The following ATXN1 variants were observed in gnomAD, a reference collection of about 807,000 sequenced individuals.
ATXN1 encodes ataxin-1.
In ATXN1, 8 loss-of-function variants were observed where a neutral mutation model predicts 56.4. That is an observed-to-expected ratio of 0.14 (90% CI 0.08 to 0.26). ATXN1 has a LOEUF of 0.26. Ranked by LOEUF, ATXN1 falls within the 10% of genes least tolerant of loss-of-function variation. ATXN1 has a pLI of 1.00. For missense variants in ATXN1, 987 were observed against 1,106.5 expected, an observed-to-expected ratio of 0.89 and a Z score of 1.53; for synonymous variants, 514 against 494.6, an observed-to-expected ratio of 1.04 and a Z score of -0.52.
rs952822959 is a variant in ATXN1 at position 16,646,941 on chromosome 6, G to C, written c.-489+10835C>G. Among the ~76,000 whole-genome samples, 3 of 152,138 alleles carry C rather than the reference G, an allele frequency of 2.0e-5. No individual in the cohort carries two copies. The East Asian group carries it at 5.8e-4, about 29-fold the overall frequency. On this transcript the variant is annotated intron_variant, in intron 3 of 7. Coordinates refer to ENST00000436367, the MANE Select transcript of ATXN1 (RefSeq NM_001128164.2). ...CCATGAAAGTGGTATGATAATAACAGCTACCATTTTTTGAAAGCTTTACGT... is the reference window on the plus strand; with the variant it reads ...CCATGAAAGTGGTATGATAATAACACCTACCATTTTTTGAAAGCTTTACGT...
intron 4 of ATXN1, among the ~76,000 whole-genome samples, chr6:16,580,091 T>C (rs1762500820): frequency 6.6e-6 from 1 of 152,218 alleles, no homozygotes; most frequent in South Asian, 2.1e-4. Context: ...CTGTATATTA[T>C]TTCCAAATCT....
At chr6:16,435,001 G>A (rs1012368840) in intron 6 of ATXN1, among the ~76,000 whole-genome samples, 1 of 152,134 alleles carries the variant, frequency 6.6e-6, no homozygotes, top group Non-Finnish European at 1.5e-5. Flanking sequence ...GAGTGCATTC[G>A]AAAGACACTG....
intron 2 of ATXN1, chr6:16,736,825 A>C (rs1017194640): frequency 5.9e-5 from 9 of 152,326 alleles, no homozygotes; most frequent in African/African-American, 2.2e-4. Flanking sequence ...GGTTATTTGT[A>C]AGTGGAAAAT....
chr6:16,430,048 T>C (rs1216814459), intron 6 of ATXN1, among the ~76,000 whole-genome samples: 1 of 152,120 alleles, frequency 6.6e-6, no homozygotes, highest in Non-Finnish European at 1.5e-5. Flanking sequence ...ATTATTTTTG[T>C]GGCGGGTGTT....
intron 5 of ATXN1, among the ~76,000 whole-genome samples, chr6:16,508,016 G>A (rs1427788330): frequency 6.6e-6 from 1 of 152,228 alleles, no homozygotes; most frequent in Non-Finnish European, 1.5e-5. Flanking sequence ...GGTCCCCAAT[G>A]TAGGATGCCT....
At chr6:16,586,736 G>A (rs531215409) in intron 3 of ATXN1, among the ~76,000 whole-genome samples, 2 of 152,050 alleles carry the variant, frequency 1.3e-5, no homozygotes, top group Non-Finnish European at 2.9e-5. Context: ...AAAACATATC[G>A]GGGCTGGGGC....
chr6:16,454,239 G>A (rs889072318), intron 6 of ATXN1, among the ~76,000 whole-genome samples: 2 of 151,728 alleles, frequency 1.3e-5, no homozygotes, highest in African/African-American at 4.8e-5. Context: ...GCAGTGAGCT[G>A]AGCAGACAAA....
At chr6:16,500,751 AAAAAAAAAAC>A (rs1760869711) in intron 5 of ATXN1, among the ~76,000 whole-genome samples, 1 of 151,360 alleles carries the variant, frequency 6.6e-6, no homozygotes, top group Admixed American at 6.6e-5. Context: ...AAAAAAAAAA[AAAAAAAAAAC>A]ATTGAGGAAA....
At chr6:16,599,364 CTAA>C (rs1762872901) in intron 3 of ATXN1, among the ~76,000 whole-genome samples, 1 of 151,968 alleles carries the variant, frequency 6.6e-6, no homozygotes, top group African/African-American at 2.4e-5. Context: ...AAGGCCGCTA[CTAA>C]GAAGATAAAC....
chr6:16,335,054 C>A (rs1439265572), intron 6 of ATXN1, among the ~76,000 whole-genome samples: 1 of 152,200 alleles, frequency 6.6e-6, no homozygotes, highest in Non-Finnish European at 1.5e-5. Context: ...GGTAGGGGTC[C>A]CTGCCCTGGT....
chr6:16,509,807 T>G (rs1373298414), intron 5 of ATXN1, among the ~76,000 whole-genome samples: 2 of 152,242 alleles, frequency 1.3e-5, no homozygotes, highest in African/African-American at 4.8e-5. Flanking sequence ...CATCCCAGAC[T>G]GTCTGACAGT....
At chr6:16,351,742 GT>G (rs1410235405) in intron 6 of ATXN1, among the ~76,000 whole-genome samples, 3 of 152,142 alleles carry the variant, frequency 2.0e-5, no homozygotes, top group Admixed American at 6.6e-5. Flanking sequence ...TCCTTGTAAT[GT>G]AATTCCAACA....
At chr6:16,601,507 T>C (rs943842273) in intron 3 of ATXN1, among the ~76,000 whole-genome samples, 8 of 152,174 alleles carry the variant, frequency 5.3e-5, no homozygotes, top group African/African-American at 1.9e-4. Context: ...CTATTTTCTA[T>C]TCTGACTTTC....
Position 16,349,275 on chromosome 6 carries a change from C to T in ATXN1, c.-160-20805G>A, listed in dbSNP as rs138692732. Among the ~76,000 whole-genome samples, 305 of 152,260 alleles carry T rather than the reference C, an allele frequency of 2.0e-3. 2 individuals are homozygous for T. Among genetic ancestry groups the T allele is most frequent in the African/African-American group, 6.7e-3 (280 of 41,550 alleles). ...ATCCCAGCACTTTGGGAGGCTGAGG[C>T]TGGTGGATCACGAGATGAAGAGATC... On this transcript the variant is annotated intron_variant, in intron 6 of 7. Transcript: ENST00000436367.
At chr6:16,737,456 A>T (rs1368161312) in intron 2 of ATXN1, 1 of 152,228 alleles carries the variant, frequency 6.6e-6, no homozygotes, top group Non-Finnish European at 1.5e-5. Context: ...GAACTTTAGT[A>T]AGTGATGCCA....
intron 6 of ATXN1, among the ~76,000 whole-genome samples, chr6:16,377,368 G>A (rs1762160955): frequency 6.6e-6 from 1 of 152,128 alleles, no homozygotes; most frequent in Non-Finnish European, 1.5e-5. Context: ...TTCTCTGCCT[G>A]GGAGAACAAG....
intron 6 of ATXN1, among the ~76,000 whole-genome samples, chr6:16,480,579 T>A (rs1419684958): frequency 1.3e-5 from 2 of 152,124 alleles, no homozygotes; most frequent in Admixed American, 1.3e-4. Flanking sequence ...CCTGGATCCC[T>A]GATAGACTCA....
chr6:16,493,175 T>C (rs1019443297), intron 5 of ATXN1, among the ~76,000 whole-genome samples: 27 of 152,226 alleles, frequency 1.8e-4, no homozygotes, highest in African/African-American at 6.5e-4. Flanking sequence ...CATACCTTCA[T>C]TGGTTCCTAC....
chr6:16,696,460 A>C (rs754095117), intron 2 of ATXN1, among the ~76,000 whole-genome samples: 1 of 152,232 alleles, frequency 6.6e-6, no homozygotes, highest in Non-Finnish European at 1.5e-5. Flanking sequence ...GAAGGGAGGA[A>C]ATTTTATAAT....
Sources: gnomAD v4.1 joint callset for allele counts (sites outside exome capture counted in the v4.1 genomes callset) on GRCh38, gnomAD v4.1.1 for gene constraint, MANE v1.5 for transcripts, NCBI Gene and HGNC (gene_info 2026-07-23, HGNC 2026-07-21) for gene names.